Variants in CNTN4 observed in about 807,000 individuals in gnomAD.
CNTN4 encodes the protein contactin-4.
CNTN4 carries 77 observed loss-of-function variants against 122.5 expected under a neutral mutation model. The observed-to-expected ratio is 0.63, with a 90% CI of 0.52 to 0.76. The LOEUF (loss-of-function observed/expected upper bound fraction) is 0.76. Ranked by LOEUF, CNTN4 falls within the 30% of genes least tolerant of loss-of-function variation. CNTN4 has a pLI of 0.00. For missense variants in CNTN4, 1,256 were observed against 1,259.1 expected (o/e 1.00, Z 0.04); for synonymous variants, 512 against 447.0 (o/e 1.15, Z -1.83).
intron 6 of CNTN4, among the ~76,000 whole-genome samples, chr3:2,752,859 G>A (rs2090161211): frequency 6.6e-6 from 1 of 152,092 alleles, no homozygotes; most frequent in African/African-American, 2.4e-5. Flanking sequence ...ACATACAATT[G>A]AGAATATGTG....
chr3:2,235,556 C>T (rs1295267277), intron 2 of CNTN4, among the ~76,000 whole-genome samples: 1 of 152,008 alleles, frequency 6.6e-6, no homozygotes, highest in Non-Finnish European at 1.5e-5. Context: ...CTCCCCAATG[C>T]AAATTGTGTT....
At chr3:2,718,029 G>A (rs1014935714) in intron 4 of CNTN4, among the ~76,000 whole-genome samples, 3 of 151,954 alleles carry the variant, frequency 2.0e-5, no homozygotes, top group African/African-American at 7.2e-5. Flanking sequence ...TCATTATTGA[G>A]TTGTAAGATT....
intron 3 of CNTN4, among the ~76,000 whole-genome samples, chr3:2,340,685 T>TTATATATA (rs373402290): frequency 1.5e-3 from 45 of 29,616 alleles, no homozygotes; most frequent in African/African-American, 3.1e-3. Context: ...GTCATAAATT[T>TTATATATA]TATATATATA....
chr3:2,247,330 T>G (rs181444035), intron 2 of CNTN4, among the ~76,000 whole-genome samples: 2 of 152,136 alleles, frequency 1.3e-5, no homozygotes, highest in Non-Finnish European at 2.9e-5. Flanking sequence ...AATTTCTGTA[T>G]TAGAGCAGAT....
intron 4 of CNTN4, among the ~76,000 whole-genome samples, chr3:2,574,293 T>C (rs2079561778): frequency 6.6e-6 from 1 of 152,156 alleles, no homozygotes; most frequent in South Asian, 2.1e-4. Context: ...AACTTTTCTA[T>C]ACATCTTCAG....
At chr3:2,798,986 C>T (rs1241072478) in intron 6 of CNTN4, among the ~76,000 whole-genome samples, 2 of 152,210 alleles carry the variant, frequency 1.3e-5, no homozygotes, top group African/African-American at 4.8e-5. Context: ...CTTTTCTCTG[C>T]ATCCTCACCA....
intron 4 of CNTN4, among the ~76,000 whole-genome samples, chr3:2,658,117 G>A (rs574687013): frequency 6.6e-6 from 1 of 150,712 alleles, no homozygotes; most frequent in African/African-American, 2.4e-5. Flanking sequence ...GGTCGGAGGG[G>A]GTACCTGGCA....
At chr3:2,638,773 A>G (rs1268177676) in intron 4 of CNTN4, among the ~76,000 whole-genome samples, 1 of 152,180 alleles carries the variant, frequency 6.6e-6, no homozygotes, top group Non-Finnish European at 1.5e-5. Context: ...CCCATTTCAG[A>G]TAATGACAAC....
In CNTN4 at chr3:2,533,967, G is replaced by T. The variant is rs768170255; in HGVS notation, c.-88-37449G>T. On this transcript the variant is annotated intron_variant, in intron 3 of 24. Coordinates refer to ENST00000418658, the MANE Select transcript of CNTN4 (RefSeq NM_175607.3). The stretch of plus-strand genomic sequence containing the variant: ...CTTTTTGATGGTTTTTTTTTTTCTT[G>T]TAAATTTGTTTGAGTTCTTTGTAGA... 6.3e-3 allele frequency among the ~76,000 whole-genome samples: 918 copies of T among 146,334 alleles called. 3 individuals are homozygous for T. Among genetic ancestry groups the T allele is most frequent in the Non-Finnish European group, 0.011 (720 of 66,472 alleles).
chr3:2,275,803 C>G lies in CNTN4; in HGVS notation c.-144-63375C>G, dbSNP rs539689257. On this transcript the variant is annotated intron_variant, in intron 2 of 24. Transcript: ENST00000418658. ...GGCGTGGTGGTGTGTGCCTGTAATCCCAGCTACTCAGGAAGCTGAGTCAGG... is the reference window on the plus strand; with the variant it reads ...GGCGTGGTGGTGTGTGCCTGTAATCGCAGCTACTCAGGAAGCTGAGTCAGG... Among the ~76,000 whole-genome samples the G allele has an allele frequency of 8.6e-5, 13 of 151,106 alleles. No homozygotes were observed. In the East Asian group the frequency reaches 2.2e-3, roughly 25 times the overall value.
intron 6 of CNTN4, among the ~76,000 whole-genome samples, chr3:2,788,125 A>T (rs73807945): frequency 6.6e-6 from 1 of 152,196 alleles, no homozygotes; most frequent in African/African-American, 2.4e-5. Context: ...TAACAACTAT[A>T]TACCATCACA....
intron 6 of CNTN4, among the ~76,000 whole-genome samples, chr3:2,796,395 C>T (rs1023130466): frequency 6.6e-6 from 1 of 152,038 alleles, no homozygotes. Flanking sequence ...CAAGCAGAAT[C>T]TTTTGGCATA....
chr3:2,720,256 C>T (rs887136021), intron 4 of CNTN4, among the ~76,000 whole-genome samples: 5 of 152,272 alleles, frequency 3.3e-5, no homozygotes, highest in Non-Finnish European at 5.9e-5. Context: ...GATGCCATGA[C>T]ATCAAAAGCC....
intron 7 of CNTN4, among the ~76,000 whole-genome samples, chr3:2,864,586 A>G (rs917809341): frequency 3.3e-5 from 5 of 151,822 alleles, no homozygotes; most frequent in East Asian, 3.9e-4. Context: ...TAAAAATACA[A>G]AAATTAGCCA....
chr3:2,625,408 A>C (rs1374512969), intron 4 of CNTN4, among the ~76,000 whole-genome samples: 1 of 152,246 alleles, frequency 6.6e-6, no homozygotes, highest in Non-Finnish European at 1.5e-5. Flanking sequence ...ACAGATACTT[A>C]ATGACAGTTT....
In CNTN4 at chr3:3,032,286, C is replaced by G. The variant is rs115234564; in HGVS notation, c.1783+1311C>G. Reference sequence around the variant, plus strand: ...AATTCTGTTGCTGAAAATTTATCCTCTATTTAATTAGGATAATGTTCAGAT... The same window carrying G: ...AATTCTGTTGCTGAAAATTTATCCTGTATTTAATTAGGATAATGTTCAGAT... On this transcript the variant is annotated intron_variant, in intron 16 of 24. Coordinates refer to ENST00000418658, the MANE Select transcript of CNTN4 (RefSeq NM_175607.3). Among the ~76,000 whole-genome samples the G allele has an allele frequency of 6.5e-3, 993 of 152,298 alleles. 12 individuals carry two copies. Among genetic ancestry groups the G allele is most frequent in the African/African-American group, 0.022 (935 of 41,560 alleles).
intron 14 of CNTN4, chr3:2,988,792 C>A (rs1462150889): frequency 3.1e-6 from 1 of 319,892 alleles, no homozygotes; most frequent in Non-Finnish European, 6.0e-6. Context: ...ATTTGAAATT[C>A]ATGTCTAGGA....
intron 4 of CNTN4, among the ~76,000 whole-genome samples, chr3:2,597,197 C>A (rs542306286): frequency 2.7e-4 from 41 of 152,246 alleles, no homozygotes; most frequent in Admixed American, 2.0e-3. Context: ...TACTACCCAC[C>A]ACACCTCTTC....
intron 2 of CNTN4, among the ~76,000 whole-genome samples, chr3:2,249,896 G>T (rs1451598276): frequency 6.6e-6 from 1 of 151,786 alleles, no homozygotes; most frequent in Admixed American, 6.6e-5. Context: ...TTTTTTTCAA[G>T]ATCCCTATAG....
Sources: allele counts gnomAD v4.1 joint callset (sites outside exome capture counted in the v4.1 genomes callset), GRCh38; gene constraint gnomAD v4.1.1; transcripts MANE v1.5; gene names NCBI Gene and HGNC (gene_info 2026-07-23, HGNC 2026-07-21).